Variants in CSNK2A2 observed in about 807,000 individuals in gnomAD.
The protein encoded by CSNK2A2 is casein kinase 2 alpha 2.
A neutral mutation model predicts 54.0 loss-of-function variants in CSNK2A2; 8 were observed. The ratio of observed to expected loss-of-function variants is 0.15; its 90% CI spans 0.09 to 0.27. The LOEUF is 0.27. CSNK2A2 is among the 10% of genes least tolerant of loss of function. The pLI is 1.00. For synonymous variants in CSNK2A2, 141 were observed against 153.9 expected (o/e 0.92, Z 0.62); for missense variants, 242 against 439.4 (o/e 0.55, Z 4.02).
chr16:58,190,419 C>A (rs1962297619), intron 2 of CSNK2A2, among the ~76,000 whole-genome samples: 1 of 151,950 alleles, frequency 6.6e-6, no homozygotes, highest in Middle Eastern at 3.2e-3. Context: ...CAATGGTTGC[C>A]AAGAATGTAG....
intron 2 of CSNK2A2, among the ~76,000 whole-genome samples, chr16:58,194,345 C>G (rs1374074845): frequency 6.6e-6 from 1 of 152,228 alleles, no homozygotes; most frequent in African/African-American, 2.4e-5. Context: ...CCTTGTTACC[C>G]TGTTCTTTTT....
chr16:58,167,090 G>T, intron 8 of CSNK2A2, 117 bp downstream of exon 8: 1 of 610,958 alleles, frequency 1.6e-6, no homozygotes, highest in Non-Finnish European at 2.7e-6. Flanking sequence ...TTGAAGAAAA[G>T]CTCATATGCA....
At chr16:58,164,570 A>G (rs917319056) in intron 10 of CSNK2A2, among the ~76,000 whole-genome samples, 28 of 152,222 alleles carry the variant, frequency 1.8e-4, no homozygotes, top group Admixed American at 1.3e-4. Context: ...CGTAGTTTGA[A>G]ATTTTTTAAA....
At chr16:58,171,904 T>A (rs1353847189) in intron 5 of CSNK2A2, among the ~76,000 whole-genome samples, 1 of 144,116 alleles carries the variant, frequency 6.9e-6, no homozygotes, top group African/African-American at 2.6e-5. Flanking sequence ...TCCTCCCACC[T>A]CCACCTCCTG....
chr16:58,162,730 T>G (rs1015569757), intron 11 of CSNK2A2: 3 of 152,228 alleles, frequency 2.0e-5, no homozygotes, highest in African/African-American at 7.2e-5. Context: ...GGGGACTGCC[T>G]ACAAACCATG....
At chr16:58,182,983 C>T (rs1412206428) in intron 4 of CSNK2A2, among the ~76,000 whole-genome samples, 1 of 152,178 alleles carries the variant, frequency 6.6e-6, no homozygotes, top group Non-Finnish European at 1.5e-5. Context: ...CATAAAACTT[C>T]CTTATTGTTT....
Position 58,188,378 on chromosome 16 carries a change from T to TG in CSNK2A2, c.217-1523dup, listed in dbSNP as rs528862972. ...TCATTAACGAGGGAGCTCGAAACTTTGGGGGAAAAAAGCACTGTACAATCT... is the reference window on the plus strand; with the variant it reads ...TCATTAACGAGGGAGCTCGAAACTTTGGGGGGAAAAAAGCACTGTACAATCT... On this transcript the variant is annotated intron_variant, in intron 2 of 11. Transcript: ENST00000262506. Among the ~76,000 whole-genome samples the TG allele has an allele frequency of 5.9e-5, 9 of 152,218 alleles. No homozygotes were observed. The East Asian group carries it at 1.7e-3, about 29-fold the overall frequency.
intron 3 of CSNK2A2, among the ~76,000 whole-genome samples, chr16:58,185,401 A>G (rs144931009): frequency 4.1e-4 from 62 of 152,274 alleles, no homozygotes; most frequent in East Asian, 3.3e-3. Context: ...GTCCCTGTTG[A>G]TTTTTGTCAT....
Position 58,187,128 on chromosome 16 carries a change from A to AT in CSNK2A2, c.217-273dup, listed in dbSNP as rs1202959795. Among the ~76,000 whole-genome samples, 5 of 151,540 alleles carry AT rather than the reference A, an allele frequency of 3.3e-5. No homozygotes were observed. In the East Asian group the frequency reaches 9.7e-4, roughly 29 times the overall value. ...GGGCACTTAAAAATTTTGAATACCCATATCACACTTTAAAAATAAAACTTG... is the reference window on the plus strand; with the variant it reads ...GGGCACTTAAAAATTTTGAATACCCATTATCACACTTTAAAAATAAAACTTG... On this transcript the variant is annotated intron_variant, in intron 2 of 11. Coordinates refer to ENST00000262506, the MANE Select transcript of CSNK2A2 (RefSeq NM_001896.4).
chr16:58,185,768 T>C (rs1198056862), intron 3 of CSNK2A2, among the ~76,000 whole-genome samples: 1 of 152,252 alleles, frequency 6.6e-6, no homozygotes, highest in Non-Finnish European at 1.5e-5. Context: ...ACTTTCCTTA[T>C]GCTTCAACAA....
At chr16:58,193,372 C>T (rs1962362034) in intron 2 of CSNK2A2, among the ~76,000 whole-genome samples, 1 of 152,170 alleles carries the variant, frequency 6.6e-6, no homozygotes, top group Non-Finnish European at 1.5e-5. Context: ...GCTAAACATG[C>T]TTAAAGAGCA....
intron 3 of CSNK2A2, among the ~76,000 whole-genome samples, 198 bp downstream of exon 3, chr16:58,186,557 T>G (rs1425044001): frequency 1.3e-5 from 2 of 152,202 alleles, no homozygotes; most frequent in Non-Finnish European, 2.9e-5. Context: ...CTCTGTACAC[T>G]TTTAGGTTCC....
intron 4 of CSNK2A2, 46 bp from the exon 5 acceptor site, chr16:58,174,556 A>C: frequency 6.7e-7 from 1 of 1,499,368 alleles, no homozygotes; most frequent in Non-Finnish European, 9.3e-7. Flanking sequence ...GTCTCACTGC[A>C]TCTTGTCATC....
At chr16:58,188,344 G>A (rs986414418) in intron 2 of CSNK2A2, among the ~76,000 whole-genome samples, 1 of 152,130 alleles carries the variant, frequency 6.6e-6, no homozygotes, top group Non-Finnish European at 1.5e-5. Context: ...TTACTCCTTA[G>A]TCCCTTTTTC....
At chr16:58,195,125 T>C (rs935830840) in intron 2 of CSNK2A2, among the ~76,000 whole-genome samples, 1 of 152,084 alleles carries the variant, frequency 6.6e-6, no homozygotes, top group Admixed American at 6.5e-5. Context: ...TGAAAACTTA[T>C]GCTTATGTAC....
intron 2 of CSNK2A2, among the ~76,000 whole-genome samples, chr16:58,194,798 G>A (rs1263258982): frequency 2.6e-5 from 4 of 152,090 alleles, no homozygotes; most frequent in Admixed American, 1.3e-4. Flanking sequence ...CCTAACATAC[G>A]CCAAGAATCT....
At chr16:58,166,341 T>C (rs1048767509) in intron 9 of CSNK2A2, among the ~76,000 whole-genome samples, 2 of 152,248 alleles carry the variant, frequency 1.3e-5, no homozygotes, top group Middle Eastern at 3.2e-3. Context: ...AGAAAACTTT[T>C]TTCTATAACA....
chr16:58,180,094 A>AAT (rs1961993434), intron 4 of CSNK2A2, among the ~76,000 whole-genome samples: 1 of 151,454 alleles, frequency 6.6e-6, no homozygotes. Flanking sequence ...AAAAAAAAAA[A>AAT]AGAAAAAGAG....
intron 2 of CSNK2A2, among the ~76,000 whole-genome samples, chr16:58,190,844 A>G (rs1962306521): frequency 6.6e-6 from 1 of 152,232 alleles, no homozygotes; most frequent in Non-Finnish European, 1.5e-5. Context: ...TTAATCATAG[A>G]ATTACCTTAT....
Sources: allele counts gnomAD v4.1 joint callset (sites outside exome capture counted in the v4.1 genomes callset), GRCh38; gene constraint gnomAD v4.1.1; transcripts MANE v1.5; gene names NCBI Gene and HGNC (gene_info 2026-07-23, HGNC 2026-07-21).